The following DYM variants were observed in gnomAD, a reference collection of about 807,000 sequenced individuals.
The protein encoded by DYM is dymeclin.
DYM carries 78 observed loss-of-function variants against 93.1 expected under a neutral mutation model. The observed-to-expected ratio is 0.84, with a 90% CI of 0.70 to 1.01. The LOEUF is 1.01. Ranked by LOEUF, DYM falls within the 50% of genes least tolerant of loss-of-function variation. The probability of loss-of-function intolerance (pLI) is 0.00; values close to 1 mark genes in which losing one functional copy is unlikely to be tolerated. For missense variants in DYM, 789 were observed against 845.0 expected (o/e 0.93, Z 0.82); for synonymous variants, 321 against 319.7 (o/e 1.00, Z -0.04).
intron 1 of DYM, among the ~76,000 whole-genome samples, chr18:49,441,173 A>ATTATATATTTATATATAATATATTATAT (rs1424496046): frequency 5.1e-5 from 1 of 19,686 alleles, no homozygotes; most frequent in Non-Finnish European, 8.6e-5. Context: ...TATATTATAT[A>ATTATATATTTATATATAATATATTATAT]ATTATATATT....
chr18:49,060,481 C>G (rs2075860556), intron 17 of DYM, among the ~76,000 whole-genome samples: 1 of 151,628 alleles, frequency 6.6e-6, no homozygotes, highest in Non-Finnish European at 1.5e-5. Flanking sequence ...TACAAAGTGC[C>G]TGGCTGGACA....
intron 2 of DYM, among the ~76,000 whole-genome samples, chr18:49,418,938 C>T (rs887501756): frequency 2.0e-4 from 31 of 151,812 alleles, no homozygotes; most frequent in African/African-American, 4.6e-4. Context: ...TCACTTGTGG[C>T]GGTGGGGGTG....
At chr18:49,177,812 C>G (rs1299993829) in intron 14 of DYM, among the ~76,000 whole-genome samples, 2 of 152,078 alleles carry the variant, frequency 1.3e-5, no homozygotes, top group African/African-American at 2.4e-5. Flanking sequence ...TTTAACACTT[C>G]CACAATGCCT....
intron 2 of DYM, among the ~76,000 whole-genome samples, chr18:49,394,757 TTTA>T (rs2069832129): frequency 6.6e-6 from 1 of 152,216 alleles, no homozygotes; most frequent in Non-Finnish European, 1.5e-5. Context: ...CTCAGTTAAA[TTTA>T]TTGCTAGGTT....
At chr18:49,435,353 T>C (rs1483468303) in intron 1 of DYM, among the ~76,000 whole-genome samples, 1 of 151,348 alleles carries the variant, frequency 6.6e-6, no homozygotes, top group Non-Finnish European at 1.5e-5. Flanking sequence ...GTTGTTATTG[T>C]ATTATTTAAA....
At chr18:49,423,562 G>A (rs920842915) in intron 2 of DYM, among the ~76,000 whole-genome samples, 1 of 152,220 alleles carries the variant, frequency 6.6e-6, no homozygotes, top group East Asian at 1.9e-4. Flanking sequence ...AACTGAAGGA[G>A]ATAGAGACAC....
chr18:49,105,418 T>C (rs2054708037), intron 16 of DYM, among the ~76,000 whole-genome samples: 1 of 152,224 alleles, frequency 6.6e-6, no homozygotes, highest in Non-Finnish European at 1.5e-5. Context: ...TCAGTTCTGC[T>C]CTGCTCTTAG....
At chr18:49,398,815 T>C (rs187919841) in intron 2 of DYM, among the ~76,000 whole-genome samples, 1 of 152,312 alleles carries the variant, frequency 6.6e-6, no homozygotes, top group Admixed American at 6.5e-5. Flanking sequence ...TACACATTAG[T>C]AGTTGGCAAG....
rs776657632 is a variant in DYM at position 49,282,149 on chromosome 18, G to A, written c.973C>T (p.Pro325Ser). The A allele has an allele frequency of 9.9e-6, 16 of 1,613,880 alleles. No homozygotes were observed. In the Admixed American group the frequency reaches 2.7e-4, roughly 27 times the overall value. Residue 325 changes from proline to serine, a missense_variant, in exon 10 of 18, where the codon CCA becomes TCA. By Grantham distance (74) the Pro-to-Ser change is moderately conservative. Transcript: ENST00000675505. ...QDSSPFPSSI[P>S]HAFQINFNSL... is the part of the protein sequence containing the mutation. ...TTAAAGTTGATCTGGAAGGCATGTG[G>A]AATTGATGAGGGGAAAGGACTGCTA...
intron 14 of DYM, among the ~76,000 whole-genome samples, chr18:49,207,267 G>A (rs2092562205): frequency 6.6e-6 from 1 of 152,140 alleles, no homozygotes; most frequent in African/African-American, 2.4e-5. Flanking sequence ...TATGCTATAC[G>A]ATGTATAACA....
At chr18:49,437,409 A>T (rs1263889067) in intron 1 of DYM, among the ~76,000 whole-genome samples, 1 of 152,186 alleles carries the variant, frequency 6.6e-6, no homozygotes, top group Non-Finnish European at 1.5e-5. Context: ...CTCAAATACC[A>T]TATTGATGGA....
At chr18:49,056,892 A>G (rs2075542844) in intron 17 of DYM, among the ~76,000 whole-genome samples, 1 of 152,142 alleles carries the variant, frequency 6.6e-6, no homozygotes, top group African/African-American at 2.4e-5. Flanking sequence ...TGTTTTTGCC[A>G]CATTGTCCAG....
chr18:49,223,293 G>C (rs562596839), intron 13 of DYM, among the ~76,000 whole-genome samples: 37 of 152,190 alleles, frequency 2.4e-4, no homozygotes, highest in South Asian at 1.7e-3. Context: ...ACTTAGGTCG[G>C]GTAGCAAATA....
chr18:49,434,270 C>G (rs1300969732), intron 1 of DYM, among the ~76,000 whole-genome samples: 1 of 151,654 alleles, frequency 6.6e-6, no homozygotes, highest in Admixed American at 6.6e-5. Flanking sequence ...TCACTTGAAC[C>G]TGGGAGGTGG....
intron 15 of DYM, among the ~76,000 whole-genome samples, chr18:49,135,150 C>T (rs954425405): frequency 6.6e-6 from 1 of 151,902 alleles, no homozygotes; most frequent in Non-Finnish European, 1.5e-5. Context: ...TCTCCAGATA[C>T]GTAAATAAAC....
At position 49,185,040 on chromosome 18, in the gene DYM, G is replaced by T. The variant is rs187991080; in HGVS notation, c.1626-21253C>A. On this transcript the variant is annotated intron_variant, in intron 14 of 17. Transcript: ENST00000675505. The stretch of plus-strand genomic sequence containing the variant: ...GTCATTTAAGCAAAGACCTGAAGAT[G>T]CTGTGTGTGTGTGAGTTGTGCACAA... Among the ~76,000 whole-genome samples the T allele has an allele frequency of 3.4e-3, 524 of 152,248 alleles. 3 individuals are homozygous for T. Among genetic ancestry groups the T allele is most frequent in the Non-Finnish European group, 6.0e-3 (411 of 68,016 alleles).
intron 6 of DYM, among the ~76,000 whole-genome samples, chr18:49,341,897 C>G (rs544440349): frequency 5.3e-5 from 8 of 152,196 alleles, no homozygotes; most frequent in Non-Finnish European, 1.2e-4. Context: ...CTTTGAGAAG[C>G]TGAATATGTT....
chr18:49,383,011 A>G (rs1275613943), intron 3 of DYM, among the ~76,000 whole-genome samples: 1 of 152,238 alleles, frequency 6.6e-6, no homozygotes, highest in Non-Finnish European at 1.5e-5. Context: ...TACAGAGGAG[A>G]GAGGACAAGA....
Position 49,357,542 on chromosome 18 carries a change from C to G in DYM, c.494+5619G>C, listed in dbSNP as rs190559335. 2.0e-4 allele frequency among the ~76,000 whole-genome samples: 31 copies of G among 152,290 alleles called. No homozygotes were observed. In the East Asian group the frequency reaches 5.0e-3, roughly 25 times the overall value. On this transcript the variant is annotated intron_variant, in intron 6 of 17. Transcript: ENST00000675505. ...ACACCCTGTTGTTACAATGTGCCAA[C>G]TACAAATGAGCCATTACACTTGCAG...
Sources: allele counts gnomAD v4.1 joint callset (sites outside exome capture counted in the v4.1 genomes callset), GRCh38; gene constraint gnomAD v4.1.1; transcripts MANE v1.5; gene names NCBI Gene and HGNC (gene_info 2026-07-23, HGNC 2026-07-21).